The following PTPRN2 variants were observed in gnomAD, a reference collection of about 807,000 sequenced individuals.
PTPRN2 encodes the protein protein tyrosine phosphatase receptor type N2.
PTPRN2 carries 74 observed loss-of-function variants against 118.8 expected under a neutral mutation model. The ratio of observed to expected loss-of-function variants is 0.62; its 90% CI spans 0.52 to 0.76. PTPRN2 has a LOEUF of 0.76. PTPRN2 is among the 30% of genes least tolerant of loss of function. The probability of loss-of-function intolerance (pLI) is 0.00; values close to 1 mark genes in which losing one functional copy is unlikely to be tolerated. For synonymous variants in PTPRN2, 641 were observed against 608.0 expected, an observed-to-expected ratio of 1.05 and a Z score of -0.80; for missense variants, 1,481 against 1,394.4, an observed-to-expected ratio of 1.06 and a Z score of -0.99.
chr7:157,796,427 TG>T (rs1390830855), intron 12 of PTPRN2, among the ~76,000 whole-genome samples: 1 of 152,208 alleles, frequency 6.6e-6, no homozygotes, highest in African/African-American at 2.4e-5. Flanking sequence ...CGGGGTAAAC[TG>T]GCAGCTCTGA....
intron 2 of PTPRN2, among the ~76,000 whole-genome samples, chr7:158,360,482 T>C (rs372453973): frequency 1.1e-3 from 1 of 932 alleles, no homozygotes; most frequent in Non-Finnish European, 1.6e-3. Flanking sequence ...CCCAGGACGA[T>C]GCACAGACCC....
intron 11 of PTPRN2, among the ~76,000 whole-genome samples, chr7:157,936,646 T>G (rs78748421): frequency 0.015 from 1,640 of 107,160 alleles, 13 homozygotes; most frequent in Middle Eastern, 0.03. Context: ...AGTGCAGGTC[T>G]GACACCTCCC....
intron 11 of PTPRN2, among the ~76,000 whole-genome samples, chr7:158,059,196 A>G (rs1190823736): frequency 9.6e-5 from 10 of 103,902 alleles, no homozygotes; most frequent in South Asian, 3.9e-4. Flanking sequence ...CTGCAGCCAC[A>G]CTCCATCTGC....
At chr7:158,235,598 A>G (rs376980908) in intron 3 of PTPRN2, among the ~76,000 whole-genome samples, 12 of 152,280 alleles carry the variant, frequency 7.9e-5, no homozygotes, top group African/African-American at 2.4e-4. Flanking sequence ...TGGGAAGGGG[A>G]GCTGGGAGGA....
intron 2 of PTPRN2, among the ~76,000 whole-genome samples, chr7:158,330,666 A>G (rs1804182679): frequency 9.1e-6 from 1 of 110,202 alleles, no homozygotes; most frequent in South Asian, 3.7e-4. Context: ...CACTCTCACA[A>G]TAAGAGCTGA....
chr7:157,633,014 G>A (rs959351423), intron 14 of PTPRN2, among the ~76,000 whole-genome samples: 15 of 152,166 alleles, frequency 9.9e-5, no homozygotes, highest in African/African-American at 3.6e-4. Flanking sequence ...CTAGTCATCT[G>A]TCCCTTCAGT....
At chr7:158,419,407 A>AC (rs1815064389) in intron 2 of PTPRN2, among the ~76,000 whole-genome samples, 2 of 136,354 alleles carry the variant, frequency 1.5e-5, no homozygotes, top group African/African-American at 2.7e-5. Context: ...GAATTCCATC[A>AC]TTGCAAGAAT....
intron 19 of PTPRN2, among the ~76,000 whole-genome samples, chr7:157,575,643 C>T (rs143486181): frequency 3.0e-4 from 45 of 152,298 alleles, no homozygotes; most frequent in African/African-American, 9.6e-4. Context: ...ATTCAAAAAT[C>T]GCTTCTTTAT....
At chr7:157,823,264 A>G (rs1806965374) in intron 12 of PTPRN2, among the ~76,000 whole-genome samples, 1 of 152,250 alleles carries the variant, frequency 6.6e-6, no homozygotes, top group South Asian at 2.1e-4. Flanking sequence ...TAAAATACTA[A>G]AGCCTGGCAA....
At chr7:157,943,622 A>G (rs1214367880) in intron 11 of PTPRN2, among the ~76,000 whole-genome samples, 2 of 151,640 alleles carry the variant, frequency 1.3e-5, no homozygotes, top group Admixed American at 6.6e-5. Flanking sequence ...ACAAATGCTG[A>G]AACCCCCTCC....
intron 12 of PTPRN2, among the ~76,000 whole-genome samples, chr7:157,700,842 T>C (rs3852222): frequency 0.082 from 12,449 of 152,180 alleles, 852 homozygotes; most frequent in African/African-American, 0.17. Context: ...CTGCACACTC[T>C]CTCCCCATCG....
At chr7:157,936,682 G>A (rs796828878) in intron 11 of PTPRN2, among the ~76,000 whole-genome samples, 37 of 117,854 alleles carry the variant, frequency 3.1e-4, no homozygotes, top group African/African-American at 1.2e-3. Context: ...GGAAGCCAGG[G>A]TGGGGGTCTA....
At chr7:157,777,411 T>C (rs1563098513) in intron 12 of PTPRN2, among the ~76,000 whole-genome samples, 1 of 151,078 alleles carries the variant, frequency 6.6e-6, no homozygotes, top group East Asian at 2.0e-4. Context: ...CCCACACTGC[T>C]AAGCTCAGGG....
At chr7:157,897,421 T>A (rs574395580) in intron 12 of PTPRN2, among the ~76,000 whole-genome samples, 1 of 152,240 alleles carries the variant, frequency 6.6e-6, no homozygotes, top group Admixed American at 6.5e-5. Context: ...CACCCTTCAC[T>A]GGGTGCTAAA....
At chr7:158,211,502 C>T (rs1207618872) in intron 3 of PTPRN2, among the ~76,000 whole-genome samples, 2 of 152,196 alleles carry the variant, frequency 1.3e-5, no homozygotes, top group South Asian at 4.1e-4. Flanking sequence ...AAAGCTCAAA[C>T]AACTCTGTAG....
At chr7:158,566,059 G>T (rs1349710760) in intron 1 of PTPRN2, among the ~76,000 whole-genome samples, 1 of 152,132 alleles carries the variant, frequency 6.6e-6, no homozygotes, top group Admixed American at 6.6e-5. Context: ...GACATCAGAA[G>T]TGGCCAAGCT....
chr7:157,548,910 A>G, intron 22 of PTPRN2, 36 bp downstream of exon 22: 1 of 1,597,318 alleles, frequency 6.3e-7, no homozygotes, highest in Admixed American at 1.7e-5. Flanking sequence ...AGGCACCTTG[A>G]ATGGGTCTGC....
chr7:158,423,638 A>C (rs1460634165), intron 2 of PTPRN2, among the ~76,000 whole-genome samples: 1 of 151,932 alleles, frequency 6.6e-6, no homozygotes, highest in Non-Finnish European at 1.5e-5. Context: ...GGTTCAAGCG[A>C]TTCTCCTGCC....
chr7:157,712,751 CAAAAA>C (rs755055515), intron 12 of PTPRN2, among the ~76,000 whole-genome samples: 44 of 89,886 alleles, frequency 4.9e-4, no homozygotes, highest in Middle Eastern at 6.0e-3. Context: ...AACTCCATCT[CAAAAA>C]AAAAAAAAAA....
Sources: gnomAD v4.1 joint callset for allele counts (sites outside exome capture counted in the v4.1 genomes callset) on GRCh38, gnomAD v4.1.1 for gene constraint, MANE v1.5 for transcripts, NCBI Gene and HGNC (gene_info 2026-07-23, HGNC 2026-07-21) for gene names.